Variants in TBC1D15 observed in about 807,000 individuals in gnomAD.
The protein encoded by TBC1D15 is TBC1 domain family member 15, also known as GAP for RAB7.
A neutral mutation model predicts 95.4 loss-of-function variants in TBC1D15; 39 were observed. The observed-to-expected ratio is 0.41, with a 90% CI of 0.32 to 0.53. The LOEUF (loss-of-function observed/expected upper bound fraction) is 0.53, where lower values mean the gene tolerates loss of function less well. TBC1D15 is among the 20% of genes least tolerant of loss of function. TBC1D15 has a pLI of 0.29. For missense variants in TBC1D15, 733 were observed against 794.3 expected, an observed-to-expected ratio of 0.92 and a Z score of 0.93; for synonymous variants, 258 against 261.3, an observed-to-expected ratio of 0.99 and a Z score of 0.12.
chr12:71,859,764 T>C (rs1481258239), intron 1 of TBC1D15, among the ~76,000 whole-genome samples: 1 of 152,034 alleles, frequency 6.6e-6, no homozygotes, highest in African/African-American at 2.4e-5. Context: ...CCTACCACCA[T>C]GCCCAGCTGA....
intron 1 of TBC1D15, among the ~76,000 whole-genome samples, chr12:71,855,522 G>A (rs1023966769): frequency 2.0e-5 from 3 of 151,736 alleles, no homozygotes; most frequent in Non-Finnish European, 4.4e-5. Context: ...AAAAAAATTA[G>A]CCAGGCGTGG....
In TBC1D15 at chr12:71,893,238, A is replaced by G. The variant is rs148732371; in HGVS notation, c.571A>G (p.Arg191Gly). The G allele has an allele frequency of 5.4e-5, 86 of 1,606,456 alleles. No homozygotes were observed. Among genetic ancestry groups the G allele is most frequent in the Non-Finnish European group, 5.9e-6 (7 of 1,176,582 alleles). Residue 191 changes from arginine (R) to glycine (G), a missense_variant, in exon 6 of 17, where the codon AGA (arginine) becomes GGA (glycine). Transcript: ENST00000485960. The stretch of plus-strand genomic sequence containing the variant: ...TTATTATAGATCTCCACAGGATAAA[A>G]GAACACTTCTTGTGAATTGTCAGAA... ...VVLCESPQDK[R>G]TLLVNCQNKS...
At chr12:71,922,858 C>A in intron 16 of TBC1D15, 125 bp from the exon 17 acceptor site, 1 of 895,528 alleles carries the variant, frequency 1.1e-6, no homozygotes, top group Non-Finnish European at 1.7e-6. Flanking sequence ...GGGTACATGA[C>A]ATTTACACTG....
intron 1 of TBC1D15, among the ~76,000 whole-genome samples, chr12:71,859,153 A>T (rs1889816958): frequency 6.6e-6 from 1 of 152,040 alleles, no homozygotes; most frequent in African/African-American, 2.4e-5. Context: ...TCATTTTTAA[A>T]TGTAGATACA....
chr12:71,877,560 CTTTCTTCT>C (rs1401918310), intron 3 of TBC1D15, among the ~76,000 whole-genome samples: 1 of 96,560 alleles, frequency 1.0e-5, no homozygotes, highest in Non-Finnish European at 2.0e-5. Context: ...TCCTTCCTTC[CTTTCTTCT>C]TTTTCTTTCT....
intron 4 of TBC1D15, among the ~76,000 whole-genome samples, chr12:71,880,900 AG>A (rs2138469698): frequency 6.6e-6 from 1 of 152,344 alleles, no homozygotes; most frequent in South Asian, 2.1e-4. Context: ...TTCTTAATTT[AG>A]TAGAATTATA....
intron 1 of TBC1D15, chr12:71,861,441 G>A (rs1890338842): frequency 6.6e-7 from 1 of 1,512,554 alleles, no homozygotes; most frequent in Non-Finnish European, 8.8e-7. Context: ...TTGATAAGTA[G>A]TATGTGTCCA....
At chr12:71,869,817 A>G (rs1374043421) in intron 1 of TBC1D15, among the ~76,000 whole-genome samples, 1 of 152,072 alleles carries the variant, frequency 6.6e-6, no homozygotes, top group Non-Finnish European at 1.5e-5. Flanking sequence ...AAGTCTAGAA[A>G]ATTTAGTTTA....
At chr12:71,908,201 T>C (rs1033285986) in intron 11 of TBC1D15, among the ~76,000 whole-genome samples, 7 of 151,748 alleles carry the variant, frequency 4.6e-5, no homozygotes, top group African/African-American at 1.7e-4. Flanking sequence ...ACGGTGGAAG[T>C]AGAAGTGTGA....
At chr12:71,918,958 T>G (rs945082739) in intron 14 of TBC1D15, among the ~76,000 whole-genome samples, 2 of 152,096 alleles carry the variant, frequency 1.3e-5, no homozygotes, top group Non-Finnish European at 2.9e-5. Flanking sequence ...TATTTTAGGT[T>G]CAGGGAGTAC....
At chr12:71,917,102 G>A (rs962373195) in intron 12 of TBC1D15, among the ~76,000 whole-genome samples, 2 of 151,808 alleles carry the variant, frequency 1.3e-5, no homozygotes, top group Admixed American at 1.3e-4. Context: ...AAAATGTCTG[G>A]TTTAATAGAA....
intron 1 of TBC1D15, among the ~76,000 whole-genome samples, chr12:71,866,761 G>T (rs1891589995): frequency 6.6e-6 from 1 of 152,124 alleles, no homozygotes; most frequent in Admixed American, 6.5e-5. Flanking sequence ...TGTCTCCTCA[G>T]TTATTTTTGT....
chr12:71,888,876 A>AT lies in TBC1D15; in HGVS notation c.554+3864dup, dbSNP rs1180854722. Among the ~76,000 whole-genome samples the AT allele has an allele frequency of 4.3e-3, 519 of 119,934 alleles. 3 individuals are homozygous for AT. Among genetic ancestry groups the AT allele is most frequent in the African/African-American group, 9.1e-3 (301 of 33,172 alleles). The allele number at this position is 119,934 out of a possible 152,430, so 78.7% of individuals were successfully genotyped here. A position where few individuals can be genotyped will look rare whatever the true frequency, so the allele number is the denominator to read the frequency against. ...TTTTTTTTTTTCATTTAATTCAAGT[A>AT]TTTTTTTTTGAATGCCTACTGTGTC... On this transcript the variant is annotated intron_variant, in intron 5 of 16. Coordinates refer to ENST00000485960, the MANE Select transcript of TBC1D15 (RefSeq NM_001146213.3).
intron 10 of TBC1D15, among the ~76,000 whole-genome samples, chr12:71,901,248 C>T (rs1313282227): frequency 2.6e-5 from 4 of 152,144 alleles, no homozygotes; most frequent in Non-Finnish European, 5.9e-5. Flanking sequence ...TCTCCAACTC[C>T]TGGCCTCAAG....
In TBC1D15 at chr12:71,894,719, A is replaced by G. The variant is rs768288333; in HGVS notation, c.691A>G (p.Ile231Val). 2 of 1,613,106 alleles carry G rather than the reference A, an allele frequency of 1.2e-6. No individual in the cohort carries two copies. The highest frequency in any genetic ancestry group is 1.7e-6 in the Non-Finnish European group (2 of 1,179,320). ...IKKDPYTATM[I>V]GFSKVTNYIF... is the part of the protein sequence containing the mutation. ...AAAGGACCCTTATACGGCAACTATGATAGGATTTTCCAAAGTCACAAACTA... is the reference window on the plus strand; with the variant it reads ...AAAGGACCCTTATACGGCAACTATGGTAGGATTTTCCAAAGTCACAAACTA... The change falls in exon 7 of 17, where the codon ATA (isoleucine) becomes GTA (valine). Residue 231 changes from isoleucine (I) to valine (V), a missense_variant. Physicochemically the swap from Ile to Val is conservative, Grantham distance 29. Coordinates refer to ENST00000485960, the MANE Select transcript of TBC1D15 (RefSeq NM_001146213.3).
chr12:71,898,451 T>C (rs980649501), intron 10 of TBC1D15, among the ~76,000 whole-genome samples: 4 of 152,086 alleles, frequency 2.6e-5, no homozygotes, highest in Non-Finnish European at 5.9e-5. Flanking sequence ...AAATTTAGTA[T>C]TTGAAAATAG....
At chr12:71,868,240 C>CTTTT (rs771782876) in intron 1 of TBC1D15, among the ~76,000 whole-genome samples, 2 of 132,376 alleles carry the variant, frequency 1.5e-5, no homozygotes, top group Non-Finnish European at 1.6e-5. Context: ...GCAGCTTTGA[C>CTTTT]TTTTTTTTTT....
intron 1 of TBC1D15, among the ~76,000 whole-genome samples, chr12:71,847,790 G>A (rs1886708598): frequency 6.6e-6 from 1 of 151,444 alleles, no homozygotes. Flanking sequence ...TTTCCACTTT[G>A]ACTGTTACAA....
intron 1 of TBC1D15, among the ~76,000 whole-genome samples, chr12:71,859,319 C>T (rs180837179): frequency 1.3e-5 from 2 of 151,608 alleles, no homozygotes; most frequent in Admixed American, 6.6e-5. Context: ...TTGAGGTTTT[C>T]GACTTTCTTG....
Sources: allele counts gnomAD v4.1 joint callset (sites outside exome capture counted in the v4.1 genomes callset), GRCh38; gene constraint gnomAD v4.1.1; transcripts MANE v1.5; gene names NCBI Gene and HGNC (gene_info 2026-07-23, HGNC 2026-07-21).